CDH12: variants seen among roughly 807,000 people sequenced by gnomAD.
CDH12 encodes the protein cadherin 12.
A neutral mutation model predicts 74.1 loss-of-function variants in CDH12; 41 were observed. The observed-to-expected ratio is 0.55, with a 90% confidence interval of 0.43 to 0.72. The LOEUF is 0.72. CDH12 is among the 30% of genes least tolerant of loss of function. The pLI, the probability that CDH12 is intolerant of heterozygous loss-of-function variation, is 0.00. For synonymous variants in CDH12, 399 were observed against 355.0 expected (o/e 1.12, Z -1.39); for missense variants, 945 against 977.2 (o/e 0.97, Z 0.44).
In CDH12 at chr5:22,059,960, T is replaced by C. The variant is rs9687703; in HGVS notation, c.231+18486A>G. Among the ~76,000 whole-genome samples, 748 of 152,218 alleles carry C rather than the reference T, an allele frequency of 4.9e-3. 7 individuals carry two copies. Among genetic ancestry groups the C allele is most frequent in the African/African-American group, 0.017 (695 of 41,544 alleles). ...TCTATTATTTAGGTAAGAAAATATG[T>C]ATGTATACTAGAGAGGTTATATTTA... is the stretch of plus-strand genomic sequence containing the variant. On this transcript the variant is annotated intron_variant, in intron 5 of 14. Coordinates refer to ENST00000382254, the MANE Select transcript of CDH12 (RefSeq NM_004061.5).
intron 1 of CDH12, among the ~76,000 whole-genome samples, chr5:22,670,619 A>G (rs780434976): frequency 6.6e-6 from 1 of 152,128 alleles, no homozygotes; most frequent in Non-Finnish European, 1.5e-5. Context: ...CAGAAATTAC[A>G]TGCTTTACTG....
chr5:22,122,028 TA>T (rs920112437), intron 4 of CDH12, among the ~76,000 whole-genome samples: 20 of 149,546 alleles, frequency 1.3e-4, no homozygotes, highest in African/African-American at 2.4e-4. Context: ...TGGCAGCAAT[TA>T]AAAAAAAAAT....
chr5:21,864,738 GA>G (rs1199912381), intron 6 of CDH12, among the ~76,000 whole-genome samples: 1 of 152,102 alleles, frequency 6.6e-6, no homozygotes, highest in Non-Finnish European at 1.5e-5. Flanking sequence ...AACAAACTAT[GA>G]AAAAACCTAG....
At chr5:22,018,988 A>G (rs1254879886) in intron 5 of CDH12, among the ~76,000 whole-genome samples, 1 of 151,786 alleles carries the variant, frequency 6.6e-6, no homozygotes, top group African/African-American at 2.4e-5. Context: ...TGAACCTGGG[A>G]GGCGGAGGTT....
rs551005732 is a variant in CDH12, at chr5:22,330,084, G to A, written c.-333+75173C>T. On this transcript the variant is annotated intron_variant, in intron 3 of 14. Transcript: ENST00000382254. ...CTCAGGCACTTCAGCTTGCATCAAA[G>A]AGACTGACTCCTTCTTTCTGCTTAA... Among the ~76,000 whole-genome samples the A allele has an allele frequency of 2.0e-5, 3 of 152,264 alleles. No individual in the cohort carries two copies. In the South Asian group the frequency reaches 6.2e-4, roughly 32 times the overall value.
At chr5:22,614,630 A>G (rs1292076538) in intron 1 of CDH12, among the ~76,000 whole-genome samples, 2 of 152,130 alleles carry the variant, frequency 1.3e-5, no homozygotes, top group African/African-American at 2.4e-5. Context: ...AGGAGTTGAC[A>G]TAGATATAGC....
chr5:21,819,835 A>T (rs12520920), intron 8 of CDH12, among the ~76,000 whole-genome samples: 144,558 of 151,998 alleles, frequency 0.95, 68,799 homozygotes, highest in East Asian at 1. Context: ...AGTATGAGAA[A>T]TTTAGGAACA....
In CDH12 at chr5:22,083,426, G is replaced by A. The variant is rs185837584; in HGVS notation, c.-186-4564C>T. Among the ~76,000 whole-genome samples, 304 of 152,232 alleles carry A rather than the reference G, an allele frequency of 2.0e-3. 4 individuals are homozygous for A. Among genetic ancestry groups the A allele is most frequent in the African/African-American group, 6.7e-3 (279 of 41,554 alleles). The stretch of plus-strand genomic sequence containing the variant: ...GGAGTGGTGGCGTAAAGAGAAGCTA[G>A]GGAGGAGTAATGATGCCTATTTTAT... On this transcript the variant is annotated intron_variant, in intron 4 of 14. Transcript: ENST00000382254.
At chr5:21,860,580 T>C (rs941433194) in intron 6 of CDH12, among the ~76,000 whole-genome samples, 8 of 152,070 alleles carry the variant, frequency 5.3e-5, no homozygotes, top group African/African-American at 1.9e-4. Flanking sequence ...TTGCTCTCAA[T>C]CTGGGTGGGC....
chr5:22,394,848 G>A (rs1367284775), intron 3 of CDH12, among the ~76,000 whole-genome samples: 1 of 152,026 alleles, frequency 6.6e-6, no homozygotes, highest in Non-Finnish European at 1.5e-5. Flanking sequence ...TATCAATTTT[G>A]GCTTCTGGGT....
intron 4 of CDH12, among the ~76,000 whole-genome samples, chr5:22,209,654 G>C (rs938691270): frequency 1.1e-4 from 16 of 150,456 alleles, no homozygotes; most frequent in African/African-American, 3.9e-4. Context: ...TGGAAGCAAA[G>C]ACTTGCACAC....
intron 3 of CDH12, among the ~76,000 whole-genome samples, chr5:22,295,799 C>T (rs939952791): frequency 1.3e-4 from 19 of 151,992 alleles, no homozygotes; most frequent in East Asian, 5.8e-4. Flanking sequence ...TAAAGTTATA[C>T]GACAAGAATC....
At chr5:22,617,243 A>T (rs1325738167) in intron 1 of CDH12, among the ~76,000 whole-genome samples, 2 of 152,012 alleles carry the variant, frequency 1.3e-5, no homozygotes, top group Non-Finnish European at 2.9e-5. Context: ...TAACATAGAA[A>T]AAAGGTGCCA....
intron 3 of CDH12, among the ~76,000 whole-genome samples, chr5:22,336,502 T>C (rs934600273): frequency 6.6e-6 from 1 of 152,224 alleles, no homozygotes; most frequent in Non-Finnish European, 1.5e-5. Context: ...AGGGTCCTTG[T>C]GCTGTGTGCA....
intron 4 of CDH12, among the ~76,000 whole-genome samples, chr5:22,128,495 C>T (rs1437084976): frequency 6.6e-6 from 1 of 151,840 alleles, no homozygotes; most frequent in East Asian, 1.9e-4. Context: ...ACACTTAAAA[C>T]ACTTCTTCTA....
intron 6 of CDH12, among the ~76,000 whole-genome samples, chr5:21,930,871 A>T (rs1246626814): frequency 2.0e-5 from 3 of 152,166 alleles, no homozygotes; most frequent in African/African-American, 7.2e-5. Context: ...TTTTATTACA[A>T]AAATACCTCA....
chr5:21,796,320 C>G (rs999592111), intron 10 of CDH12, among the ~76,000 whole-genome samples: 1 of 151,962 alleles, frequency 6.6e-6, no homozygotes, highest in Non-Finnish European at 1.5e-5. Flanking sequence ...TCATCTAGCG[C>G]AAAGCCTGTC....
chr5:21,993,570 C>T (rs868687634), intron 5 of CDH12, among the ~76,000 whole-genome samples: 3 of 152,312 alleles, frequency 2.0e-5, no homozygotes, highest in Non-Finnish European at 2.9e-5. Context: ...GAACTACCTA[C>T]ACCCCAGCTC....
At chr5:22,388,963 C>A (rs1742116083) in intron 3 of CDH12, among the ~76,000 whole-genome samples, 1 of 152,152 alleles carries the variant, frequency 6.6e-6, no homozygotes. Flanking sequence ...AATGTCCATC[C>A]TTTAAAGTTT....
Sources: gnomAD v4.1 joint callset for allele counts (sites outside exome capture counted in the v4.1 genomes callset) on GRCh38, gnomAD v4.1.1 for gene constraint, MANE v1.5 for transcripts, NCBI Gene and HGNC (gene_info 2026-07-23, HGNC 2026-07-21) for gene names.